The following LCOR variants were observed in gnomAD, a reference collection of about 807,000 sequenced individuals.
LCOR encodes ligand-dependent corepressor.
Under a neutral mutation model 64.4 loss-of-function variants are expected in LCOR, and 14 were observed. The observed-to-expected ratio is 0.22, with a 90% CI of 0.14 to 0.34. LCOR has a LOEUF of 0.34. Ranked by LOEUF, LCOR falls within the 10% of genes least tolerant of loss-of-function variation. The probability of loss-of-function intolerance (pLI) is 1.00; values close to 1 mark genes in which losing one functional copy is unlikely to be tolerated. For missense variants in LCOR, 1,686 were observed against 1,765.3 expected, an observed-to-expected ratio of 0.96 and a Z score of 0.80; for synonymous variants, 643 against 642.5, an observed-to-expected ratio of 1.00 and a Z score of -0.01.
At position 96,883,919 on chromosome 10, in the gene LCOR, T is replaced by A. The variant is rs554677522; in HGVS notation, c.-329-23346T>A. On this transcript the variant is annotated intron_variant, in intron 2 of 7. Coordinates refer to ENST00000421806, the MANE Select transcript of LCOR (RefSeq NM_001346516.2). ...CATTGTGTAATGGCTAAATCAAGAG[T>A]GGAAGTTTCTTAAATAATGGATTTT... is the stretch of plus-strand genomic sequence containing the variant. 2.6e-5 allele frequency among the ~76,000 whole-genome samples: 4 copies of A among 152,194 alleles called. No individual in the cohort carries two copies. The South Asian group carries it at 8.3e-4, about 32-fold the overall frequency.
At chr10:96,963,224 AAAG>A (rs1428788186) in intron 7 of LCOR, 1 of 152,178 alleles carries the variant, frequency 6.6e-6, no homozygotes, top group African/African-American at 2.4e-5. Flanking sequence ...TTTTTTAAAA[AAAG>A]CGCATAAATG....
chr10:96,847,741 C>G (rs1190539698), intron 2 of LCOR, among the ~76,000 whole-genome samples: 1 of 152,134 alleles, frequency 6.6e-6, no homozygotes, highest in Non-Finnish European at 1.5e-5. Context: ...CCCTCCCAGC[C>G]TGGTCAAAAG....
chr10:96,886,132 C>G (rs537880959), intron 2 of LCOR, among the ~76,000 whole-genome samples: 1 of 152,166 alleles, frequency 6.6e-6, no homozygotes, highest in Admixed American at 6.5e-5. Context: ...CCCCACTTGG[C>G]CTCTCAAAGT....
At chr10:96,931,052 C>T (rs745691311) in intron 4 of LCOR, among the ~76,000 whole-genome samples, 27 of 151,172 alleles carry the variant, frequency 1.8e-4, no homozygotes, top group Non-Finnish European at 2.9e-4. Flanking sequence ...AATAAAGGCT[C>T]CTATTAGATA....
chr10:96,966,373 C>T (rs574640154), intron 7 of LCOR, among the ~76,000 whole-genome samples: 26 of 151,686 alleles, frequency 1.7e-4, no homozygotes, highest in Admixed American at 6.6e-4. Context: ...GGACTACAGG[C>T]GCCCGCCAAC....
chr10:96,891,536 T>A, intron 2 of LCOR, among the ~76,000 whole-genome samples: 1 of 33,020 alleles, frequency 3.0e-5, no homozygotes, highest in African/African-American at 1.8e-4. Flanking sequence ...GACTCTTTTT[T>A]TTTTTTTTTT....
At chr10:96,849,048 C>A (rs1201379888) in intron 2 of LCOR, among the ~76,000 whole-genome samples, 2 of 123,604 alleles carry the variant, frequency 1.6e-5, no homozygotes, top group Admixed American at 8.4e-5. Flanking sequence ...CTCTCTGTCA[C>A]CTGGCTAATT....
At chr10:96,860,253 ATT>A (rs1223397278) in intron 2 of LCOR, among the ~76,000 whole-genome samples, 3 of 152,184 alleles carry the variant, frequency 2.0e-5, no homozygotes, top group African/African-American at 7.2e-5. Context: ...ATTTTAGCTT[ATT>A]TATACATAAG....
intron 2 of LCOR, among the ~76,000 whole-genome samples, chr10:96,869,559 T>C (rs372067205): frequency 6.6e-6 from 1 of 151,352 alleles, no homozygotes; most frequent in Non-Finnish European, 1.5e-5. Context: ...AGTTCGTTCA[T>C]TGGTTCTTTC....
At chr10:96,895,561 T>G (rs1158980271) in intron 2 of LCOR, among the ~76,000 whole-genome samples, 1 of 152,244 alleles carries the variant, frequency 6.6e-6, no homozygotes, top group African/African-American at 2.4e-5. Flanking sequence ...GATATAAAAC[T>G]TAAGTGGATT....
At chr10:96,960,977 G>A (rs1847870463) in intron 7 of LCOR, 1 of 152,040 alleles carries the variant, frequency 6.6e-6, no homozygotes, top group Non-Finnish European at 1.5e-5. Context: ...TTTTAAAGAA[G>A]CAGACATTAG....
intron 7 of LCOR, chr10:96,962,818 C>A (rs995745081): frequency 2.0e-5 from 3 of 152,068 alleles, no homozygotes; most frequent in African/African-American, 7.2e-5. Flanking sequence ...TTCTTTATAA[C>A]CTCCACTTAA....
chr10:96,851,497 C>T (rs1013586645), intron 2 of LCOR, among the ~76,000 whole-genome samples: 4 of 151,980 alleles, frequency 2.6e-5, no homozygotes, highest in African/African-American at 9.7e-5. Context: ...TTAACACTGC[C>T]GAAAAAGTGC....
chr10:96,843,617 T>G (rs532733137), intron 2 of LCOR, among the ~76,000 whole-genome samples: 1 of 152,348 alleles, frequency 6.6e-6, no homozygotes, highest in African/African-American at 2.4e-5. Context: ...ATCTTTTAGT[T>G]TGGAAAACTT....
At chr10:96,954,772 T>TG (rs1428251305) in intron 7 of LCOR, among the ~76,000 whole-genome samples, 2 of 152,162 alleles carry the variant, frequency 1.3e-5, no homozygotes, top group Non-Finnish European at 2.9e-5. Context: ...TTCCTTTTTT[T>TG]GTGAACAAGT....
chr10:96,875,366 C>A (rs1011254294), intron 2 of LCOR, among the ~76,000 whole-genome samples: 22 of 151,804 alleles, frequency 1.4e-4, no homozygotes, highest in Admixed American at 3.3e-4. Flanking sequence ...GAGCGAGACT[C>A]TGTCTCAAAT....
In LCOR at chr10:96,981,979, A is replaced by T. The variant is rs1848091664; in HGVS notation, c.1519A>T (p.Asn507Tyr). ...AAAGAGTACTCGAGGATACTTTTTC[A>T]ATGGTGACTGTTGTGAGCTGCCAAC... is the stretch of plus-strand genomic sequence containing the variant. ...ARKSTRGYFF[N>Y]GDCCELPTVR... The change falls in exon 8 of 8, where the codon AAT becomes TAT. Residue 507 changes from asparagine to tyrosine, a missense_variant. Transcript: ENST00000421806. The T allele has an allele frequency of 6.2e-7, 1 of 1,613,960 alleles. No homozygotes were observed.
At chr10:96,930,455 C>T (rs1244395872) in intron 4 of LCOR, among the ~76,000 whole-genome samples, 1 of 152,046 alleles carries the variant, frequency 6.6e-6, no homozygotes, top group Non-Finnish European at 1.5e-5. Flanking sequence ...ATTGAAACTT[C>T]GATTAATTTG....
chr10:96,939,781 G>A (rs1847416806), intron 4 of LCOR, among the ~76,000 whole-genome samples: 1 of 152,196 alleles, frequency 6.6e-6, no homozygotes, highest in African/African-American at 2.4e-5. Flanking sequence ...GGCCAACACG[G>A]TGAAATCCCG....
Sources: allele counts gnomAD v4.1 joint callset (sites outside exome capture counted in the v4.1 genomes callset), GRCh38; gene constraint gnomAD v4.1.1; transcripts MANE v1.5; gene names NCBI Gene and HGNC (gene_info 2026-07-23, HGNC 2026-07-21).